The following SGPP1 variants were observed in gnomAD, a reference collection of about 807,000 sequenced individuals.
The protein encoded by SGPP1 is sphingosine-1-phosphate phosphatase 1, also known as hSPP1.
In SGPP1, 21 loss-of-function variants were observed where a neutral mutation model predicts 33.0. The ratio of observed to expected loss-of-function variants is 0.64; its 90% CI spans 0.45 to 0.92. The LOEUF (loss-of-function observed/expected upper bound fraction) is 0.92, where lower values mean the gene tolerates loss of function less well. Among genes scored for constraint, SGPP1 ranks in the 40% least tolerant of loss-of-function variants. SGPP1 has a pLI of 0.00. For missense variants in SGPP1, 543 were observed against 589.4 expected (o/e 0.92, Z 0.81); for synonymous variants, 239 against 241.2 (o/e 0.99, Z 0.08).
intron 2 of SGPP1, among the ~76,000 whole-genome samples, chr14:63,697,033 G>C (rs1488396136): frequency 6.6e-6 from 1 of 152,094 alleles, no homozygotes; most frequent in Admixed American, 6.6e-5. Context: ...GAGAGAGGGA[G>C]AGCGGGGGGA....
chr14:63,727,252 G>T lies in SGPP1; in HGVS notation c.684+9C>A. ...CCCCCAGGCTGAACAGGACGAGAAG[G>T]AACCCTACCTGCCAGCGGCCATAGG... On this transcript the variant is annotated intron_variant, in intron 1 of 2. Transcript: ENST00000247225. 1 of 1,601,578 alleles carries T rather than the reference G, an allele frequency of 6.2e-7. No individual in the cohort carries two copies. The highest frequency in any genetic ancestry group is 1.1e-5 in the South Asian group (1 of 89,394).
chr14:63,690,545 A>C (rs1885072747), intron 2 of SGPP1, among the ~76,000 whole-genome samples: 1 of 152,188 alleles, frequency 6.6e-6, no homozygotes, highest in Non-Finnish European at 1.5e-5. Flanking sequence ...AGGGAAATAG[A>C]CTATGTTTTG....
intron 1 of SGPP1, among the ~76,000 whole-genome samples, chr14:63,701,232 C>T (rs1885292737): frequency 6.6e-6 from 1 of 152,148 alleles, no homozygotes; most frequent in Admixed American, 6.5e-5. Context: ...AATTCACCCG[C>T]CTTGGCCTCC....
intron 1 of SGPP1, among the ~76,000 whole-genome samples, chr14:63,725,686 C>T (rs56015314): frequency 0.018 from 2,711 of 152,208 alleles, 29 homozygotes; most frequent in South Asian, 0.026. Context: ...AACGATTCAG[C>T]AGTACTGTTT....
intron 1 of SGPP1, among the ~76,000 whole-genome samples, chr14:63,712,942 G>A (rs964265964): frequency 2.2e-4 from 33 of 148,084 alleles, no homozygotes; most frequent in Non-Finnish European, 4.6e-4. Flanking sequence ...AAAAAAAATG[G>A]CATTTCACCA....
chr14:63,690,845 G>C lies in SGPP1; in HGVS notation c.775-4189C>G, dbSNP rs192565169. Among the ~76,000 whole-genome samples, 135 of 152,184 alleles carry C rather than the reference G, an allele frequency of 8.9e-4. 2 individuals carry two copies. The highest frequency in any genetic ancestry group is 4.3e-3 in the Admixed American group (66 of 15,282). ...CCTGTCTCAGCCTCCCAAGTAGCTG[G>C]GGTTACAGGTGTGCGCCACCAACCA... On this transcript the variant is annotated intron_variant, in intron 2 of 2. Transcript: ENST00000247225.
chr14:63,727,823 T>C lies in SGPP1; in HGVS notation c.122A>G (p.Glu41Gly). 1 of 1,508,572 alleles carries C rather than the reference T, an allele frequency of 6.6e-7. No individual in the cohort carries two copies. Among genetic ancestry groups the C allele is most frequent in the Non-Finnish European group, 8.8e-7 (1 of 1,134,870 alleles). 93.4% of individuals were successfully genotyped at this position (1,508,572 alleles called of 1,614,324 possible). A position where few individuals can be genotyped will look rare whatever the true frequency, so the allele number is the denominator to read the frequency against. Residue 41 changes from glutamate to glycine, a missense_variant, in exon 1 of 3, where the codon GAG (glutamate) becomes GGG (glycine). Glu to Gly is a moderately conservative substitution (Grantham distance 98). Transcript: ENST00000247225. ...APPRRSADRREDEKAEAPLAG... is the reference protein window; with the variant it reads ...APPRRSADRRGDEKAEAPLAG... ...GAGAGGCGCCTCCGCTTTCTCATCC[T>C]CCCTCCGGTCTGCTGAGCGGCGCGG...
intron 2 of SGPP1, among the ~76,000 whole-genome samples, chr14:63,687,613 C>T (rs558631256): frequency 1.3e-5 from 2 of 152,184 alleles, no homozygotes; most frequent in East Asian, 3.9e-4. Flanking sequence ...CTAAAGGGAG[C>T]CTATATTTAG....
chr14:63,692,510 C>T (rs1270198289), intron 2 of SGPP1, among the ~76,000 whole-genome samples: 6 of 151,474 alleles, frequency 4.0e-5, no homozygotes, highest in Non-Finnish European at 8.8e-5. Context: ...AGTGTAGTGG[C>T]GTGGTCATAG....
At position 63,727,565 on chromosome 14, in the gene SGPP1, G is replaced by C. The variant is rs1210919290; in HGVS notation, c.380C>G (p.Pro127Arg). ...EGQLARVSNW[P>R]LYCLFCFGTE... ...GCCGAAGCAGAACAGGCAGTAGAGC[G>C]GCCAGTTGCTCACGCGGGCCAGCTG... is the stretch of plus-strand genomic sequence containing the variant. Residue 127 changes from proline (P) to arginine (R), a missense_variant, in exon 1 of 3, where the codon CCG becomes CGG. Physicochemically the swap from Pro to Arg is moderately radical, Grantham distance 103. Transcript: ENST00000247225. The C allele has an allele frequency of 6.2e-7, 1 of 1,603,982 alleles. No homozygotes were observed. Among genetic ancestry groups the C allele is most frequent in the Non-Finnish European group, 8.5e-7 (1 of 1,176,210 alleles).
chr14:63,705,441 G>A (rs955091624), intron 1 of SGPP1, among the ~76,000 whole-genome samples: 8 of 151,416 alleles, frequency 5.3e-5, no homozygotes, highest in Admixed American at 1.3e-4. Context: ...GCCGAGGTGG[G>A]CAGATTGCTT....
At chr14:63,715,145 T>G (rs563150146) in intron 1 of SGPP1, among the ~76,000 whole-genome samples, 1 of 151,318 alleles carries the variant, frequency 6.6e-6, no homozygotes, top group African/African-American at 2.4e-5. Flanking sequence ...TACCAAGTAG[T>G]TGGGATTACA....
chr14:63,713,071 T>C (rs1304379787), intron 1 of SGPP1, among the ~76,000 whole-genome samples: 2 of 152,148 alleles, frequency 1.3e-5, no homozygotes, highest in African/African-American at 2.4e-5. Flanking sequence ...TTCTTCTGTG[T>C]GTACTCATTT....
intron 2 of SGPP1, among the ~76,000 whole-genome samples, chr14:63,687,401 T>C (rs1163808666): frequency 6.6e-6 from 1 of 152,098 alleles, no homozygotes; most frequent in East Asian, 1.9e-4. Context: ...GATCATGCCA[T>C]TGCACTCCAG....
At position 63,684,991 on chromosome 14, in the gene SGPP1, T is replaced by A. The variant is rs1335662610; in HGVS notation, c.*1114A>T. On this transcript the variant is annotated 3_prime_UTR_variant, in exon 3 of 3. Transcript: ENST00000247225. ...ATGCTTTGTTTACATATGAAGTATG[T>A]GCATTGTCCCATCTATAAATTTCAA... is the stretch of plus-strand genomic sequence containing the variant. 5 of 152,224 alleles carry A rather than the reference T, an allele frequency of 3.3e-5. 1 individual carries two copies. In the East Asian group the frequency reaches 9.6e-4, roughly 29 times the overall value. The allele number at this position is 152,224 out of a possible 1,614,324, so 9.4% of individuals were successfully genotyped here.
At position 63,684,698 on chromosome 14, in the gene SGPP1, A is replaced by T. The variant is rs2139620637; in HGVS notation, c.*1407T>A. 6.6e-6 allele frequency: 1 copy of T among 152,614 alleles called. No individual in the cohort carries two copies. Among genetic ancestry groups the T allele is most frequent in the South Asian group, 2.1e-4 (1 of 4,822 alleles). The allele number at this position is 152,614 out of a possible 1,614,324, so 9.5% of individuals were successfully genotyped here. ...TGGTATTTATTTATATGGAAAGTTAATCTCTTCTTTATGAAAAACTTTCTA... is the reference window on the plus strand; with the variant it reads ...TGGTATTTATTTATATGGAAAGTTATTCTCTTCTTTATGAAAAACTTTCTA... On this transcript the variant is annotated 3_prime_UTR_variant, in exon 3 of 3. Transcript: ENST00000247225.
At chr14:63,717,505 G>C (rs1166781763) in intron 1 of SGPP1, among the ~76,000 whole-genome samples, 2 of 152,102 alleles carry the variant, frequency 1.3e-5, no homozygotes, top group East Asian at 1.9e-4. Context: ...TGCATTTTTA[G>C]TAGAGCTGGG....
At chr14:63,687,449 G>T (rs1885002954) in intron 2 of SGPP1, among the ~76,000 whole-genome samples, 1 of 152,100 alleles carries the variant, frequency 6.6e-6, no homozygotes, top group Admixed American at 6.5e-5. Context: ...AACCACATAA[G>T]AAAGCAGATA....
intron 2 of SGPP1, among the ~76,000 whole-genome samples, chr14:63,694,555 T>G (rs1016420513): frequency 6.6e-6 from 1 of 152,170 alleles, no homozygotes; most frequent in African/African-American, 2.4e-5. Flanking sequence ...GAGTTTTAAA[T>G]TGTTTATATT....
Sources: allele counts gnomAD v4.1 joint callset (sites outside exome capture counted in the v4.1 genomes callset), GRCh38; gene constraint gnomAD v4.1.1; transcripts MANE v1.5; gene names NCBI Gene and HGNC (gene_info 2026-07-23, HGNC 2026-07-21).